The following AXDND1 variants were observed in gnomAD, a reference collection of about 807,000 sequenced individuals.
AXDND1 encodes the protein axonemal dynein light chain domain containing 1, also known as axonemal dynein light chain domain-containing protein 1.
Under a neutral mutation model 137.5 loss-of-function variants are expected in AXDND1, and 110 were observed. The observed-to-expected ratio is 0.80, with a 90% confidence interval of 0.69 to 0.94. The LOEUF is 0.94. Ranked by LOEUF, AXDND1 falls within the 40% of genes least tolerant of loss-of-function variation. The pLI, the probability that AXDND1 is intolerant of heterozygous loss-of-function variation, is 0.00. For missense variants in AXDND1, 1,191 were observed against 1,169.8 expected, an observed-to-expected ratio of 1.02 and a Z score of -0.26; for synonymous variants, 414 against 399.7, an observed-to-expected ratio of 1.04 and a Z score of -0.43.
At chr1:179,503,646 T>G (rs558356429) in intron 20 of AXDND1, among the ~76,000 whole-genome samples, 3 of 152,244 alleles carry the variant, frequency 2.0e-5, no homozygotes, top group East Asian at 1.9e-4. Context: ...GTTGGTGTGC[T>G]GCACCCATTA....
chr1:179,509,498 C>T, intron 21 of AXDND1, 95 bp downstream of exon 21: 1 of 793,946 alleles, frequency 1.3e-6, no homozygotes, highest in East Asian at 2.8e-5. Flanking sequence ...GTTCTGAATC[C>T]TTGTTCATTT....
At chr1:179,503,094 T>A (rs199591194) in intron 20 of AXDND1, among the ~76,000 whole-genome samples, 4 of 136,828 alleles carry the variant, frequency 2.9e-5, no homozygotes, top group Admixed American at 7.3e-5. Flanking sequence ...AAACTCCGTG[T>A]AAAAAAAAAA....
At chr1:179,392,197 C>T (rs1443357562) in intron 9 of AXDND1, among the ~76,000 whole-genome samples, 1 of 152,232 alleles carries the variant, frequency 6.6e-6, no homozygotes, top group Non-Finnish European at 1.5e-5. Flanking sequence ...CATAGCTTAG[C>T]TCCTATTTAT....
intron 25 of AXDND1, among the ~76,000 whole-genome samples, chr1:179,542,930 C>G (rs1215041921): frequency 6.6e-6 from 1 of 152,188 alleles, no homozygotes; most frequent in Non-Finnish European, 1.5e-5. Context: ...GGAGAGCTGC[C>G]TCCTACTCAC....
intron 16 of AXDND1, among the ~76,000 whole-genome samples, chr1:179,464,566 C>G (rs1043853773): frequency 2.6e-5 from 4 of 152,100 alleles, no homozygotes; most frequent in Non-Finnish European, 5.9e-5. Context: ...TTCATTTCAA[C>G]TTTGGTGAAT....
chr1:179,470,504 C>T (rs1461456172), intron 17 of AXDND1, among the ~76,000 whole-genome samples: 2 of 152,054 alleles, frequency 1.3e-5, no homozygotes, highest in African/African-American at 2.4e-5. Context: ...AAGCTGTACA[C>T]TTCTTTTGTT....
At chr1:179,460,895 G>A (rs1571932448) in intron 16 of AXDND1, among the ~76,000 whole-genome samples, 1 of 152,124 alleles carries the variant, frequency 6.6e-6, no homozygotes. Context: ...TGTTGATGGG[G>A]TTGTTTGTTT....
In AXDND1 at chr1:179,448,652, G is replaced by A. The variant is rs777579936; in HGVS notation, c.1798+3448G>A. 55 of 194,388 alleles carry A rather than the reference G, an allele frequency of 2.8e-4. 3 individuals are homozygous for A. In the South Asian group the frequency reaches 2.9e-3, roughly 10 times the overall value. 12.0% of individuals were successfully genotyped at this position (194,388 alleles called of 1,614,324 possible). A position where few individuals can be genotyped will look rare whatever the true frequency, so the allele number is the denominator to read the frequency against. Reference sequence around the variant, plus strand: ...CCAGCGCTCCGCACTGCCTGGAGCCGCCTCCTTCAGCTTGGGACTCGCCAG... The same window carrying A: ...CCAGCGCTCCGCACTGCCTGGAGCCACCTCCTTCAGCTTGGGACTCGCCAG... On this transcript the variant is annotated intron_variant, in intron 16 of 25. Transcript: ENST00000367618.
rs115030221 is a variant in AXDND1 at position 179,549,271 on chromosome 1, C to T, written c.3032-5241C>T. 5.3e-3 allele frequency among the ~76,000 whole-genome samples: 810 copies of T among 152,318 alleles called. 6 individuals carry two copies. The highest frequency in any genetic ancestry group is 0.019 in the African/African-American group (779 of 41,560). On this transcript the variant is annotated intron_variant, in intron 25 of 25. Coordinates refer to ENST00000367618, the MANE Select transcript of AXDND1 (RefSeq NM_144696.6). ...AGTTTCTGAAGAATTTTACCTTTGA[C>T]TATCCACTATACTCTTTCACCTAAA...
intron 11 of AXDND1, among the ~76,000 whole-genome samples, chr1:179,399,780 A>G (rs1340499313): frequency 6.6e-6 from 1 of 152,338 alleles, no homozygotes; most frequent in East Asian, 1.9e-4. Flanking sequence ...TGAATAGACA[A>G]TTCTCAAAAG....
At chr1:179,548,653 A>C (rs1366445635) in intron 25 of AXDND1, 1 of 152,240 alleles carries the variant, frequency 6.6e-6, no homozygotes, top group African/African-American at 2.4e-5. Flanking sequence ...AGTGGCCAGG[A>C]ACAGTCCATC....
At chr1:179,430,638 A>G (rs370275664) in intron 14 of AXDND1, 32 bp downstream of exon 14, 13 of 1,593,980 alleles carry the variant, frequency 8.2e-6, no homozygotes, top group Non-Finnish European at 1.0e-5. Context: ...TTTTCTGATT[A>G]TACTTATGTC....
At chr1:179,499,266 A>T (rs928818032) in intron 20 of AXDND1, among the ~76,000 whole-genome samples, 1 of 152,204 alleles carries the variant, frequency 6.6e-6, no homozygotes, top group Non-Finnish European at 1.5e-5. Context: ...GGCAGTAAAG[A>T]AGTACTGATA....
At chr1:179,428,044 T>C (rs1222072322) in intron 12 of AXDND1, among the ~76,000 whole-genome samples, 1 of 152,178 alleles carries the variant, frequency 6.6e-6, no homozygotes, top group East Asian at 1.9e-4. Context: ...AATGCTGGAC[T>C]TTTACAAGAT....
Position 179,533,779 on chromosome 1 carries a change from A to G in AXDND1, c.2716-16A>G, listed in dbSNP as rs763475683. 7 of 1,584,230 alleles carry G rather than the reference A, an allele frequency of 4.4e-6. No individual in the cohort carries two copies. The African/African-American group carries it at 6.7e-5, about 15-fold the overall frequency. On this transcript the variant is annotated splice_polypyrimidine_tract_variant and intron_variant, in intron 23 of 25. Coordinates refer to ENST00000367618, the MANE Select transcript of AXDND1 (RefSeq NM_144696.6). The stretch of plus-strand genomic sequence containing the variant: ...GAGACTGTCAGTTCATTCATATCTC[A>G]TATTTCCTCTGTCAGAGAGAGTCAG...
At chr1:179,403,717 G>A (rs141183487) in intron 11 of AXDND1, among the ~76,000 whole-genome samples, 7 of 152,148 alleles carry the variant, frequency 4.6e-5, no homozygotes, top group African/African-American at 1.4e-4. Flanking sequence ...GGGATTTCAG[G>A]CATGTGCCAC....
intron 16 of AXDND1, among the ~76,000 whole-genome samples, chr1:179,463,721 T>TC (rs1662711066): frequency 1.3e-5 from 2 of 152,308 alleles, no homozygotes; most frequent in South Asian, 4.1e-4. Context: ...CAGTGGGGTG[T>TC]TAAAGTCTCC....
chr1:179,535,855 T>A (rs1340351847), intron 25 of AXDND1, among the ~76,000 whole-genome samples: 2 of 152,242 alleles, frequency 1.3e-5, no homozygotes, highest in Non-Finnish European at 2.9e-5. Flanking sequence ...GTAAAAGTGT[T>A]CCTATTTCTC....
At chr1:179,385,105 T>C in intron 8 of AXDND1, 133 bp from the exon 9 acceptor site, 1 of 796,646 alleles carries the variant, frequency 1.3e-6, no homozygotes, top group Non-Finnish European at 2.0e-6. Context: ...TGTATATATA[T>C]AAATGAAAAT....
Sources: gnomAD v4.1 joint callset for allele counts (sites outside exome capture counted in the v4.1 genomes callset) on GRCh38, gnomAD v4.1.1 for gene constraint, MANE v1.5 for transcripts, NCBI Gene and HGNC (gene_info 2026-07-23, HGNC 2026-07-21) for gene names.